THSD7B: variants seen among roughly 807,000 people sequenced by gnomAD.
THSD7B encodes thrombospondin type-1 domain-containing protein 7B.
A neutral mutation model predicts 213.6 loss-of-function variants in THSD7B; 138 were observed. The observed-to-expected ratio is 0.65, with a 90% CI of 0.56 to 0.74. The LOEUF is 0.74. Ranked by LOEUF, THSD7B falls within the 30% of genes least tolerant of loss-of-function variation. THSD7B has a pLI of 0.00. For synonymous variants in THSD7B, 742 were observed against 687.0 expected (o/e 1.08, Z -1.25); for missense variants, 1,931 against 1,991.5 (o/e 0.97, Z 0.58).
At chr2:137,631,967 G>A (rs1229202277) in intron 20 of THSD7B, among the ~76,000 whole-genome samples, 1 of 152,128 alleles carries the variant, frequency 6.6e-6, no homozygotes, top group African/African-American at 2.4e-5. Flanking sequence ...GAGTATGTTA[G>A]TAATTATTCT....
At chr2:137,564,521 C>G (rs1005101139) in intron 16 of THSD7B, among the ~76,000 whole-genome samples, 1 of 152,102 alleles carries the variant, frequency 6.6e-6, no homozygotes, top group Non-Finnish European at 1.5e-5. Context: ...TTACCTTTTT[C>G]TTTTTAAAAT....
At position 137,261,915 on chromosome 2, in the gene THSD7B, C is replaced by CAAAAAAAAAA. The variant is rs369579882; in HGVS notation, c.2267-10608_2267-10599dup. 2.2e-4 allele frequency among the ~76,000 whole-genome samples: 12 copies of CAAAAAAAAAA among 54,868 alleles called. No individual in the cohort carries two copies. The East Asian group carries it at 2.9e-3, about 13-fold the overall frequency. The allele number at this position is 54,868 out of a possible 152,430, so 36.0% of individuals were successfully genotyped here. On this transcript the variant is annotated intron_variant, in intron 10 of 27. Coordinates refer to ENST00000409968, the MANE Select transcript of THSD7B (RefSeq NM_001316349.2). ...GGAAAGGACATTGAGGAAAGTTTGT[C>CAAAAAAAAAA]AAAAAAAAAAAAAAAAAAAGCCCAG...
At chr2:136,825,110 T>A (rs571627859) in intron 1 of THSD7B, among the ~76,000 whole-genome samples, 1 of 152,346 alleles carries the variant, frequency 6.6e-6, no homozygotes, top group African/African-American at 2.4e-5. Flanking sequence ...TTAAGAATCT[T>A]TGTTCAATAT....
intron 2 of THSD7B, among the ~76,000 whole-genome samples, chr2:136,932,870 A>G (rs561235363): frequency 6.6e-6 from 1 of 152,258 alleles, no homozygotes; most frequent in Admixed American, 6.5e-5. Context: ...AGGAAGGATG[A>G]AAGGGGCTCA....
chr2:136,853,848 T>C (rs1022964077), intron 1 of THSD7B, among the ~76,000 whole-genome samples: 5 of 152,194 alleles, frequency 3.3e-5, no homozygotes, highest in African/African-American at 1.2e-4. Flanking sequence ...GATTCCTATT[T>C]ATTCAACAGG....
At chr2:137,351,692 A>G (rs1235174849) in intron 12 of THSD7B, among the ~76,000 whole-genome samples, 1 of 151,990 alleles carries the variant, frequency 6.6e-6, no homozygotes, top group Non-Finnish European at 1.5e-5. Flanking sequence ...CACTGATCAC[A>G]TAAGAGGTAG....
At chr2:136,808,129 T>C (rs980404724) in intron 1 of THSD7B, among the ~76,000 whole-genome samples, 24 of 152,240 alleles carry the variant, frequency 1.6e-4, no homozygotes, top group African/African-American at 5.8e-4. Flanking sequence ...TCCATTTACT[T>C]ACTTGTTCAA....
At chr2:136,979,969 G>T (rs1381114252) in intron 2 of THSD7B, among the ~76,000 whole-genome samples, 2 of 151,980 alleles carry the variant, frequency 1.3e-5, no homozygotes, top group Non-Finnish European at 1.5e-5. Context: ...TTTTGTTGAT[G>T]TTGTTGTTGC....
chr2:137,067,857 AT>A, intron 3 of THSD7B, among the ~76,000 whole-genome samples: 1 of 151,960 alleles, frequency 6.6e-6, no homozygotes, highest in South Asian at 2.1e-4. Flanking sequence ...CATGAAGAAA[AT>A]TTTTTCTTAT....
intron 17 of THSD7B, among the ~76,000 whole-genome samples, chr2:137,585,627 G>A (rs957218948): frequency 2.0e-5 from 3 of 152,138 alleles, no homozygotes; most frequent in Non-Finnish European, 4.4e-5. Flanking sequence ...AGGTTGTTCA[G>A]TATCCATGTA....
intron 1 of THSD7B, among the ~76,000 whole-genome samples, chr2:136,877,927 T>TC (rs1683551039): frequency 6.6e-6 from 1 of 152,098 alleles, no homozygotes; most frequent in African/African-American, 2.4e-5. Flanking sequence ...CTTTTCTTGT[T>TC]TTTTTAATTA....
At position 137,462,760 on chromosome 2, in the gene THSD7B, T is replaced by C. The variant is rs1247489351; in HGVS notation, c.3138+11737T>C. Among the ~76,000 whole-genome samples, 7 of 137,694 alleles carry C rather than the reference T, an allele frequency of 5.1e-5. No homozygotes were observed. In the East Asian group the frequency reaches 1.3e-3, roughly 25 times the overall value. The allele number at this position is 137,694 out of a possible 152,430, so 90.3% of individuals were successfully genotyped here. A position where few individuals can be genotyped will look rare whatever the true frequency, so the allele number is the denominator to read the frequency against. Reference sequence around the variant, plus strand: ...TGGTATTGCAGTGCCTGTGTTCAAGTAAACCTTATTTTACTTAAAAATGGC... The same window carrying C: ...TGGTATTGCAGTGCCTGTGTTCAAGCAAACCTTATTTTACTTAAAAATGGC... On this transcript the variant is annotated intron_variant, in intron 15 of 27. Coordinates refer to ENST00000409968, the MANE Select transcript of THSD7B (RefSeq NM_001316349.2).
chr2:137,392,577 G>A (rs771920622), intron 12 of THSD7B, among the ~76,000 whole-genome samples: 5 of 151,820 alleles, frequency 3.3e-5, no homozygotes, highest in African/African-American at 4.8e-5. Flanking sequence ...GCTCCCTTCT[G>A]GTTTCTGTTT....
At chr2:137,105,238 C>A (rs530259821) in intron 4 of THSD7B, among the ~76,000 whole-genome samples, 1 of 152,328 alleles carries the variant, frequency 6.6e-6, no homozygotes, top group African/African-American at 2.4e-5. Context: ...CCCAGGGATG[C>A]AAGGCGGATT....
chr2:136,961,088 C>CAAAA lies in THSD7B; in HGVS notation c.139+78791_139+78794dup, dbSNP rs57328048. Among the ~76,000 whole-genome samples, 209 of 38,516 alleles carry CAAAA rather than the reference C, an allele frequency of 5.4e-3. 11 individuals carry two copies. Among genetic ancestry groups the CAAAA allele is most frequent in the Admixed American group, 9.3e-3 (18 of 1,928 alleles). 25.3% of individuals were successfully genotyped at this position (38,516 alleles called of 152,430 possible). Reference sequence around the variant, plus strand: ...TGGGTGACAGAGCAAGACTCCGTCTCAAAAAAAAAAAAAAAAAAAAAAAGA... The same window carrying CAAAA: ...TGGGTGACAGAGCAAGACTCCGTCTCAAAAAAAAAAAAAAAAAAAAAAAAAAAGA... On this transcript the variant is annotated intron_variant, in intron 2 of 27. Transcript: ENST00000409968.
In THSD7B at chr2:136,765,626, C is replaced by T. The variant is rs66970361; in HGVS notation, c.-97C>T. On this transcript the variant is annotated 5_prime_UTR_variant, in exon 1 of 28. Coordinates refer to ENST00000409968, the MANE Select transcript of THSD7B (RefSeq NM_001316349.2). Reference sequence around the variant, plus strand: ...CCGACACACACCACCATCTTTCTTGCGCTCGGGAAGCTCGGGGCTCAGCGG... The same window carrying T: ...CCGACACACACCACCATCTTTCTTGTGCTCGGGAAGCTCGGGGCTCAGCGG... 21,375 of 151,266 alleles carry T rather than the reference C, an allele frequency of 0.14. 2,214 individuals carry two copies. Among genetic ancestry groups the T allele is most frequent in the Non-Finnish European group, 0.22 (15,083 of 67,938 alleles). 9.4% of individuals were successfully genotyped at this position (151,266 alleles called of 1,614,324 possible).
At chr2:137,304,498 T>C (rs765889575) in intron 12 of THSD7B, among the ~76,000 whole-genome samples, 2 of 152,104 alleles carry the variant, frequency 1.3e-5, no homozygotes, top group African/African-American at 4.8e-5. Context: ...CAAATTTCTA[T>C]TAGTGAAAAA....
rs867598170 is a variant in THSD7B, at chr2:137,421,619, G to T, written c.2959+9747G>T. ...GCTATCTGGAAGCTCCCTGAACCTGGTCCTCTTGAGTTTTTATGGAAGTTT... is the reference window on the plus strand; with the variant it reads ...GCTATCTGGAAGCTCCCTGAACCTGTTCCTCTTGAGTTTTTATGGAAGTTT... On this transcript the variant is annotated intron_variant, in intron 14 of 27. Transcript: ENST00000409968. Among the ~76,000 whole-genome samples, 2 of 152,156 alleles carry T rather than the reference G, an allele frequency of 1.3e-5. 1 individual carries two copies. Among genetic ancestry groups the T allele is most frequent in the Middle Eastern group, 6.3e-3 (2 of 316 alleles).
At chr2:137,059,744 T>G (rs1687235747) in intron 3 of THSD7B, among the ~76,000 whole-genome samples, 1 of 152,210 alleles carries the variant, frequency 6.6e-6, no homozygotes, top group South Asian at 2.1e-4. Context: ...AATATTCCAT[T>G]TTGTGGTACT....
Sources: allele counts gnomAD v4.1 joint callset (sites outside exome capture counted in the v4.1 genomes callset), GRCh38; gene constraint gnomAD v4.1.1; transcripts MANE v1.5; gene names NCBI Gene and HGNC (gene_info 2026-07-23, HGNC 2026-07-21).